GSE1: variants seen among roughly 807,000 people sequenced by gnomAD.
GSE1 encodes the protein genetic suppressor element 1.
A neutral mutation model predicts 112.6 loss-of-function variants in GSE1; 32 were observed. That is an observed-to-expected ratio of 0.28 (90% CI 0.21 to 0.38). The LOEUF is 0.38. Among genes scored for constraint, GSE1 ranks in the 10% least tolerant of loss-of-function variants. GSE1 has a pLI of 1.00. For synonymous variants in GSE1, 1,115 were observed against 735.6 expected, an observed-to-expected ratio of 1.52 and a Z score of -8.35; for missense variants, 2,348 against 1,699.2, an observed-to-expected ratio of 1.38 and a Z score of -6.71.
intron 2 of GSE1, among the ~76,000 whole-genome samples, chr16:85,465,347 A>G (rs2050094191): frequency 6.6e-6 from 1 of 152,200 alleles, no homozygotes; most frequent in African/African-American, 2.4e-5. Context: ...TAAGGGAAGC[A>G]TGTAATAGAA....
intron 1 of GSE1, among the ~76,000 whole-genome samples, chr16:85,613,710 G>T (rs562202486): frequency 1.5e-4 from 22 of 150,934 alleles, no homozygotes; most frequent in Non-Finnish European, 2.7e-4. Flanking sequence ...CAGGTAAAGT[G>T]GGGGGATGGG....
intron 2 of GSE1, among the ~76,000 whole-genome samples, chr16:85,493,705 G>A (rs1001525141): frequency 2.7e-5 from 4 of 149,236 alleles, no homozygotes; most frequent in Non-Finnish European, 4.4e-5. Context: ...GTGGAGAATC[G>A]CTTGAACCCG....
Position 85,381,895 on chromosome 16 carries a change from G to A in GSE1, c.2464+24252G>A, listed in dbSNP as rs139945434. On this transcript the variant is annotated intron_variant, in intron 2 of 2. Transcript: ENST00000637419. ...TGTCAGGGTCCCCTGCCTGACACCC[G>A]CCTGGGGGCATCTCACCGGGCTGGG... Among the ~76,000 whole-genome samples the A allele has an allele frequency of 1.0e-2, 1,522 of 152,228 alleles. 17 individuals carry two copies. Among genetic ancestry groups the A allele is most frequent in the Middle Eastern group, 0.014 (4 of 294 alleles).
At position 85,666,317 on chromosome 16, in the gene GSE1, T is replaced by C; in HGVS notation, c.3100T>C (p.Ser1034Pro). 1 of 1,613,746 alleles carries C rather than the reference T, an allele frequency of 6.2e-7. No individual in the cohort carries two copies. Among genetic ancestry groups the C allele is most frequent in the East Asian group, 2.2e-5 (1 of 44,884 alleles). Residue 1034 changes from serine (S) to proline (P), a missense_variant, in exon 13 of 16, where the codon TCC becomes CCC. Physicochemically the swap from Ser to Pro is moderately conservative, Grantham distance 74. Coordinates refer to ENST00000253458, the MANE Select transcript of GSE1 (RefSeq NM_014615.5). Reference sequence around the variant, plus strand: ...TCAGTTCCACGAGTCAGTGCTGCAGTCCACCCAGAAGGCCCTGCAGAAGCA... The same window carrying C: ...TCAGTTCCACGAGTCAGTGCTGCAGCCCACCCAGAAGGCCCTGCAGAAGCA... ...AHQFHESVLQ[S>P]TQKALQKHKG...
At chr16:85,283,032 C>T (rs934855522) in intron 1 of GSE1, 1 of 152,604 alleles carries the variant, frequency 6.6e-6, no homozygotes, top group East Asian at 1.9e-4. Flanking sequence ...TTCCAAGGCT[C>T]TGCTTCAGAG....
At chr16:85,282,331 G>C (rs191245039) in intron 1 of GSE1, among the ~76,000 whole-genome samples, 32 of 152,266 alleles carry the variant, frequency 2.1e-4, no homozygotes, top group Admixed American at 2.1e-3. Context: ...CGGCTGGGTT[G>C]CTGTGTTTTC....
chr16:85,226,466 C>T (rs34350010), intron 1 of GSE1, among the ~76,000 whole-genome samples: 9,762 of 152,180 alleles, frequency 0.064, 607 homozygotes, highest in East Asian at 0.19. Flanking sequence ...AGAGGTGGGG[C>T]CTGACCAAGG....
intron 1 of GSE1, among the ~76,000 whole-genome samples, chr16:85,229,539 G>A (rs956356968): frequency 5.3e-5 from 8 of 152,166 alleles, no homozygotes; most frequent in Admixed American, 1.3e-4. Flanking sequence ...TGTACTAAAC[G>A]ATTTCATACT....
In GSE1 at chr16:85,549,577, A is replaced by G. The variant is rs140505703; in HGVS notation, c.2465-84337A>G. Among the ~76,000 whole-genome samples the G allele has an allele frequency of 3.9e-3, 587 of 152,312 alleles. 2 individuals are homozygous for G. Among genetic ancestry groups the G allele is most frequent in the Non-Finnish European group, 5.6e-3 (382 of 68,030 alleles). On this transcript the variant is annotated intron_variant, in intron 2 of 2. Coordinates refer to the GSE1 transcript ENST00000637419. ...GATCCTGGTTAGATGCTCTGAGAGG[A>G]GACAGCACCCGTGGGTGGGGTGTGC...
Position 85,222,632 on chromosome 16 carries a change from A to T in GSE1, c.2283+50825A>T, listed in dbSNP as rs560819694. Among the ~76,000 whole-genome samples, 9 of 152,302 alleles carry T rather than the reference A, an allele frequency of 5.9e-5. No homozygotes were observed. The East Asian group carries it at 1.7e-3, about 29-fold the overall frequency. On this transcript the variant is annotated intron_variant, in intron 1 of 2. Transcript: ENST00000637419. ...GGATCAAACAAATTTGGAAATCGTA[A>T]TGAATTTTACTGCCTCCTCCAACAC...
chr16:85,260,319 C>CTTTTTTTTT lies in GSE1; in HGVS notation c.2283+88526_2283+88534dup, dbSNP rs111292010. On this transcript the variant is annotated intron_variant, in intron 1 of 2. Coordinates refer to the GSE1 transcript ENST00000637419. Reference sequence around the variant, plus strand: ...TATTTTTCCTTTTTCTTTTTCTTTTCTTTTTTTTTTTTTTTTTTTTTTGAG... The same window carrying CTTTTTTTTT: ...TATTTTTCCTTTTTCTTTTTCTTTTCTTTTTTTTTTTTTTTTTTTTTTTTTTTTTTTGAG... 8.1e-4 allele frequency among the ~76,000 whole-genome samples: 77 copies of CTTTTTTTTT among 94,860 alleles called. 1 individual carries two copies. The highest frequency in any genetic ancestry group is 1.5e-3 in the African/African-American group (33 of 21,996). 62.2% of individuals were successfully genotyped at this position (94,860 alleles called of 152,430 possible).
chr16:85,349,868 C>T (rs922036501), intron 1 of GSE1, among the ~76,000 whole-genome samples: 4 of 152,218 alleles, frequency 2.6e-5, no homozygotes, highest in African/African-American at 7.2e-5. Flanking sequence ...CCTACTTGCC[C>T]CAGAGTGCGG....
In GSE1 at chr16:85,663,426, G is replaced by T. The variant is rs201371000; in HGVS notation, c.2456G>T (p.Arg819Leu). ...ELVAQKRRKR[R>L]RMLRERSPSP... ...GTGGCCCAGAAGCGGAGGAAGCGGC[G>T]GAGGATGCTGCGAGAGAGAAGCCCG... The change falls in exon 11 of 16, where the codon CGG becomes CTG. Residue 819 changes from arginine (R) to leucine (L), a missense_variant. Physicochemically the swap from Arg to Leu is moderately radical, Grantham distance 102. Transcript: ENST00000253458. 8 of 1,613,900 alleles carry T rather than the reference G, an allele frequency of 5.0e-6. No individual in the cohort carries two copies. In the East Asian group the frequency reaches 1.8e-4, roughly 36 times the overall value.
chr16:85,619,336 G>A (rs1221129426), intron 1 of GSE1, among the ~76,000 whole-genome samples: 1 of 152,064 alleles, frequency 6.6e-6, no homozygotes, highest in Non-Finnish European at 1.5e-5. Flanking sequence ...TTTTGGTTGA[G>A]CAGTATTGAT....
At position 85,653,752 on chromosome 16, in the gene GSE1, C is replaced by T. The variant is rs145680362; in HGVS notation, c.427-526C>T. ...AGCACCTTCGGCCCAGGGGCAGTGCCAGCTTCCTTTGCCCCTGCCCTCCAC... is the reference window on the plus strand; with the variant it reads ...AGCACCTTCGGCCCAGGGGCAGTGCTAGCTTCCTTTGCCCCTGCCCTCCAC... On this transcript the variant is annotated intron_variant, in intron 3 of 15. Coordinates refer to ENST00000253458, the MANE Select transcript of GSE1 (RefSeq NM_014615.5). Among the ~76,000 whole-genome samples, 589 of 152,266 alleles carry T rather than the reference C, an allele frequency of 3.9e-3. 3 individuals are homozygous for T. The highest frequency in any genetic ancestry group is 7.1e-3 in the Non-Finnish European group (480 of 68,000).
At chr16:85,574,493 G>A (rs756540931) in intron 1 of GSE1, among the ~76,000 whole-genome samples, 1 of 152,336 alleles carries the variant, frequency 6.6e-6, no homozygotes, top group East Asian at 1.9e-4. Context: ...CGAACTCTGC[G>A]AAGTTGTCCC....
At chr16:85,204,993 G>A (rs1228775366) in intron 1 of GSE1, among the ~76,000 whole-genome samples, 1 of 152,228 alleles carries the variant, frequency 6.6e-6, no homozygotes, top group Non-Finnish European at 1.5e-5. Flanking sequence ...GAATGTTCCT[G>A]AAAGGTAACT....
intron 1 of GSE1, among the ~76,000 whole-genome samples, chr16:85,251,363 C>G (rs1472064457): frequency 1.3e-5 from 2 of 152,270 alleles, no homozygotes; most frequent in African/African-American, 2.4e-5. Context: ...ACAAATAACA[C>G]AGAGTAGGTG....
intron 9 of GSE1, chr16:85,662,532 C>T (rs546808839): frequency 1.3e-5 from 2 of 155,924 alleles, no homozygotes; most frequent in South Asian, 2.0e-4. Context: ...ACCCCAGCGC[C>T]CCTGGGCAGG....
Sources: gnomAD v4.1 joint callset for allele counts (sites outside exome capture counted in the v4.1 genomes callset) on GRCh38, gnomAD v4.1.1 for gene constraint, MANE v1.5 for transcripts, NCBI Gene and HGNC (gene_info 2026-07-23, HGNC 2026-07-21) for gene names.